The following ARHGAP42 variants were observed in gnomAD, a reference collection of about 807,000 sequenced individuals.
ARHGAP42 encodes rho GTPase-activating protein 42.
ARHGAP42 carries 63 observed loss-of-function variants against 125.0 expected under a neutral mutation model. The ratio of observed to expected loss-of-function variants is 0.50; its 90% CI spans 0.41 to 0.62. The LOEUF (loss-of-function observed/expected upper bound fraction) is 0.62, where lower values mean the gene tolerates loss of function less well. Among genes scored for constraint, ARHGAP42 ranks in the 20% least tolerant of loss-of-function variants. The probability of loss-of-function intolerance (pLI) is 0.00; values close to 1 mark genes in which losing one functional copy is unlikely to be tolerated. For missense variants in ARHGAP42, 766 were observed against 1,024.2 expected, an observed-to-expected ratio of 0.75 and a Z score of 3.44; for synonymous variants, 339 against 351.0, an observed-to-expected ratio of 0.97 and a Z score of 0.38.
intron 1 of ARHGAP42, among the ~76,000 whole-genome samples, chr11:100,765,885 C>A (rs2134981525): frequency 6.6e-6 from 1 of 152,278 alleles, no homozygotes; most frequent in Non-Finnish European, 1.5e-5. Flanking sequence ...CTTGTTCTGA[C>A]ATAAATATAT....
rs143418516 is a variant in ARHGAP42 at position 100,770,458 on chromosome 11, A to C, written c.250+20A>C. 16 of 1,470,078 alleles carry C rather than the reference A, an allele frequency of 1.1e-5. No individual in the cohort carries two copies. The highest frequency in any genetic ancestry group is 1.5e-5 in the Non-Finnish European group (16 of 1,078,892). The allele number at this position is 1,470,078 out of a possible 1,614,324, so 91.1% of individuals were successfully genotyped here. A position where few individuals can be genotyped will look rare whatever the true frequency, so the allele number is the denominator to read the frequency against. On this transcript the variant is annotated intron_variant, in intron 2 of 23. Transcript: ENST00000298815. The stretch of plus-strand genomic sequence containing the variant: ...GTATTGGTAAGTACTACTGTTTTAG[A>C]AAGTTCTATTACTAATATTTATTTT...
At chr11:100,701,936 G>A (rs897488279) in intron 1 of ARHGAP42, among the ~76,000 whole-genome samples, 8 of 151,668 alleles carry the variant, frequency 5.3e-5, no homozygotes, top group Non-Finnish European at 7.4e-5. Context: ...CCTAGTTTTC[G>A]GACTGTCTTG....
chr11:100,853,465 A>G (rs1273224102), intron 3 of ARHGAP42, among the ~76,000 whole-genome samples: 2 of 152,182 alleles, frequency 1.3e-5, no homozygotes, highest in Non-Finnish European at 2.9e-5. Flanking sequence ...GTAGAAAGGA[A>G]TAAAACAAAA....
At chr11:100,919,049 G>T (rs1273628472) in intron 5 of ARHGAP42, among the ~76,000 whole-genome samples, 2 of 152,092 alleles carry the variant, frequency 1.3e-5, no homozygotes, top group African/African-American at 2.4e-5. Flanking sequence ...AATAAAAAAG[G>T]GTACAGGGGA....
chr11:100,705,977 C>CTTTTT (rs34731514), intron 1 of ARHGAP42, among the ~76,000 whole-genome samples: 4 of 112,054 alleles, frequency 3.6e-5, no homozygotes, highest in Non-Finnish European at 3.5e-5. Context: ...AGTTAAGTAA[C>CTTTTT]TTTTTTTTTT....
intron 1 of ARHGAP42, among the ~76,000 whole-genome samples, chr11:100,748,256 T>C (rs1862350770): frequency 6.6e-6 from 1 of 152,240 alleles, no homozygotes; most frequent in South Asian, 2.1e-4. Flanking sequence ...AAGGCTTAGC[T>C]GAGTGCAAAC....
intron 1 of ARHGAP42, among the ~76,000 whole-genome samples, chr11:100,763,412 A>G (rs2134976983): frequency 6.6e-6 from 1 of 152,342 alleles, no homozygotes; most frequent in East Asian, 1.9e-4. Flanking sequence ...CCTACCTTCA[A>G]GAAGCCTAAA....
chr11:100,687,853 A>G (rs1591106952), intron 1 of ARHGAP42, 21 bp downstream of exon 1: 3 of 1,533,618 alleles, frequency 2.0e-6, no homozygotes, highest in East Asian at 2.5e-5. Flanking sequence ...CTGGCGGGGG[A>G]GTGGACACCC....
chr11:100,731,866 T>C (rs767991623), intron 1 of ARHGAP42, among the ~76,000 whole-genome samples: 3 of 152,206 alleles, frequency 2.0e-5, no homozygotes, highest in Non-Finnish European at 4.4e-5. Context: ...TCAAAGAAAG[T>C]TGAACAGTTT....
chr11:100,737,387 G>A (rs1025542888), intron 1 of ARHGAP42, among the ~76,000 whole-genome samples: 1 of 152,184 alleles, frequency 6.6e-6, no homozygotes, highest in African/African-American at 2.4e-5. Context: ...GGTAGAATGA[G>A]ACAATGCTAG....
At chr11:100,841,596 A>G (rs1423560652) in intron 3 of ARHGAP42, among the ~76,000 whole-genome samples, 1 of 152,166 alleles carries the variant, frequency 6.6e-6, no homozygotes, top group East Asian at 1.9e-4. Context: ...CATGGTTCTC[A>G]AGACCTTCGG....
chr11:100,718,866 G>A (rs999387740), intron 1 of ARHGAP42, among the ~76,000 whole-genome samples: 8 of 152,120 alleles, frequency 5.3e-5, no homozygotes, highest in East Asian at 3.9e-4. Flanking sequence ...TTTATTTAAC[G>A]TGACTTATTT....
chr11:100,779,479 T>TACACAC (rs1863221043), intron 2 of ARHGAP42, among the ~76,000 whole-genome samples: 1 of 97,228 alleles, frequency 1.0e-5, no homozygotes, highest in East Asian at 3.3e-4. Context: ...TATATATATA[T>TACACAC]ATATATACAC....
At chr11:100,740,972 T>C (rs1862172533) in intron 1 of ARHGAP42, among the ~76,000 whole-genome samples, 1 of 152,178 alleles carries the variant, frequency 6.6e-6, no homozygotes, top group Non-Finnish European at 1.5e-5. Context: ...ACAGATTTAT[T>C]TGACTGACTG....
chr11:100,791,919 T>C (rs1274884812), intron 2 of ARHGAP42, among the ~76,000 whole-genome samples: 2 of 152,188 alleles, frequency 1.3e-5, no homozygotes, highest in Non-Finnish European at 1.5e-5. Context: ...GAAAACAGTA[T>C]CATAAATTTT....
intron 1 of ARHGAP42, among the ~76,000 whole-genome samples, chr11:100,746,402 T>C (rs1226866974): frequency 6.6e-6 from 1 of 152,198 alleles, no homozygotes; most frequent in Non-Finnish European, 1.5e-5. Flanking sequence ...AGAGCTACCA[T>C]GCAGCCCACG....
intron 19 of ARHGAP42, among the ~76,000 whole-genome samples, chr11:100,975,524 G>T (rs903131807): frequency 6.6e-6 from 1 of 152,102 alleles, no homozygotes; most frequent in South Asian, 2.1e-4. Context: ...AAGGAAAAAA[G>T]CCTTTGAAAA....
At chr11:100,722,632 G>A (rs902068552) in intron 1 of ARHGAP42, among the ~76,000 whole-genome samples, 1 of 152,046 alleles carries the variant, frequency 6.6e-6, no homozygotes, top group Non-Finnish European at 1.5e-5. Flanking sequence ...CAGGTGATGC[G>A]CCCGCCTTGG....
chr11:100,962,623 T>C (rs1857984501), intron 16 of ARHGAP42, among the ~76,000 whole-genome samples, 156 bp downstream of exon 16: 1 of 152,190 alleles, frequency 6.6e-6, no homozygotes, highest in African/African-American at 2.4e-5. Flanking sequence ...AAACCTGTAA[T>C]TCCAGCACTT....
Sources: gnomAD v4.1 joint callset for allele counts (sites outside exome capture counted in the v4.1 genomes callset) on GRCh38, gnomAD v4.1.1 for gene constraint, MANE v1.5 for transcripts, NCBI Gene and HGNC (gene_info 2026-07-23, HGNC 2026-07-21) for gene names.